The following RABGAP1L variants were observed in gnomAD, a reference collection of about 807,000 sequenced individuals.
RABGAP1L encodes RAB GTPase activating protein 1 like.
RABGAP1L carries 63 observed loss-of-function variants against 137.7 expected under a neutral mutation model. The ratio of observed to expected loss-of-function variants is 0.46; its 90% confidence interval spans 0.37 to 0.56. The LOEUF is 0.56. RABGAP1L is among the 20% of genes least tolerant of loss of function. The pLI, the probability that RABGAP1L is intolerant of heterozygous loss-of-function variation, is 0.00. For missense variants in RABGAP1L, 1,095 were observed against 1,244.0 expected (o/e 0.88, Z 1.80); for synonymous variants, 431 against 433.7 (o/e 0.99, Z 0.08).
At chr1:174,271,804 G>T (rs1041756883) in intron 7 of RABGAP1L, among the ~76,000 whole-genome samples, 4 of 151,896 alleles carry the variant, frequency 2.6e-5, no homozygotes, top group African/African-American at 9.7e-5. Flanking sequence ...ATATTAAATA[G>T]TTAACAGTAA....
intron 19 of RABGAP1L, among the ~76,000 whole-genome samples, chr1:174,829,094 C>G (rs1691855792): frequency 6.8e-6 from 1 of 147,744 alleles, no homozygotes; most frequent in Non-Finnish European, 1.5e-5. Flanking sequence ...ATTGTGAGGT[C>G]CTCAAGGCTG....
intron 19 of RABGAP1L, among the ~76,000 whole-genome samples, chr1:174,854,532 T>C (rs1648917096): frequency 6.6e-6 from 1 of 151,968 alleles, no homozygotes; most frequent in Non-Finnish European, 1.5e-5. Flanking sequence ...CAAATGCCCA[T>C]CTCACTGGAT....
chr1:174,356,983 T>C (rs940358554), intron 11 of RABGAP1L, among the ~76,000 whole-genome samples: 1 of 127,366 alleles, frequency 7.9e-6, no homozygotes, highest in Non-Finnish European at 1.9e-5. Flanking sequence ...AAGAAAGTGG[T>C]AGTCCTACTG....
chr1:174,467,592 G>A (rs1433816515), intron 13 of RABGAP1L, among the ~76,000 whole-genome samples: 1 of 152,104 alleles, frequency 6.6e-6, no homozygotes, highest in Non-Finnish European at 1.5e-5. Flanking sequence ...CAGAGCTACT[G>A]TATGACAAGT....
At chr1:174,855,242 G>A (rs2149000210) in intron 19 of RABGAP1L, among the ~76,000 whole-genome samples, 1 of 152,206 alleles carries the variant, frequency 6.6e-6, no homozygotes, top group South Asian at 2.1e-4. Flanking sequence ...CCTTGTTCTG[G>A]AGGGTCATAG....
At chr1:174,424,327 G>GT (rs749095376) in intron 13 of RABGAP1L, among the ~76,000 whole-genome samples, 2 of 152,044 alleles carry the variant, frequency 1.3e-5, no homozygotes, top group Non-Finnish European at 2.9e-5. Flanking sequence ...GCTAATAGCT[G>GT]TAAGTCTTGC....
At chr1:174,588,868 G>C (rs973795943) in intron 13 of RABGAP1L, among the ~76,000 whole-genome samples, 6 of 152,058 alleles carry the variant, frequency 3.9e-5, no homozygotes, top group Non-Finnish European at 8.8e-5. Context: ...CACTTAGGTT[G>C]CCTCCAAATC....
intron 19 of RABGAP1L, among the ~76,000 whole-genome samples, chr1:174,931,011 A>T (rs1558246385): frequency 6.6e-6 from 1 of 151,526 alleles, no homozygotes; most frequent in Non-Finnish European, 1.5e-5. Flanking sequence ...ATGTAGTGGG[A>T]TTTTTTTTTG....
At chr1:174,204,142 G>T (rs749913092) in intron 1 of RABGAP1L, among the ~76,000 whole-genome samples, 2 of 152,008 alleles carry the variant, frequency 1.3e-5, no homozygotes, top group African/African-American at 2.4e-5. Flanking sequence ...GTAGAGACAG[G>T]ATTTCACCAT....
chr1:174,823,806 G>A (rs968927996), intron 19 of RABGAP1L, among the ~76,000 whole-genome samples: 2 of 152,076 alleles, frequency 1.3e-5, no homozygotes, highest in East Asian at 1.9e-4. Context: ...GCAAAATATC[G>A]CATGTTCTCC....
chr1:174,344,399 G>A (rs1206485473), intron 11 of RABGAP1L, among the ~76,000 whole-genome samples: 5 of 152,094 alleles, frequency 3.3e-5, no homozygotes, highest in South Asian at 2.1e-4. Flanking sequence ...GAAGGTCTGC[G>A]GCTACACAAA....
At chr1:174,841,315 G>A (rs1693371205) in intron 19 of RABGAP1L, among the ~76,000 whole-genome samples, 2 of 151,990 alleles carry the variant, frequency 1.3e-5, no homozygotes, top group African/African-American at 4.8e-5. Flanking sequence ...TAGAACTTAG[G>A]AAAAAGAATA....
At chr1:174,440,326 T>C (rs1653975229) in intron 13 of RABGAP1L, among the ~76,000 whole-genome samples, 1 of 152,200 alleles carries the variant, frequency 6.6e-6, no homozygotes, top group Admixed American at 6.5e-5. Flanking sequence ...AAAAAAATAT[T>C]TTGTCTCTTT....
At chr1:174,859,953 CTTTTTTTTTT>C (rs746676430) in intron 19 of RABGAP1L, among the ~76,000 whole-genome samples, 3 of 95,150 alleles carry the variant, frequency 3.2e-5, no homozygotes, top group African/African-American at 4.5e-5. Flanking sequence ...TAGTCCAATG[CTTTTTTTTTT>C]TTTTTTTTTT....
intron 13 of RABGAP1L, among the ~76,000 whole-genome samples, chr1:174,480,709 T>C (rs1016929446): frequency 6.6e-6 from 1 of 152,234 alleles, no homozygotes; most frequent in African/African-American, 2.4e-5. Context: ...GAAGGATATC[T>C]ATCACACAAA....
At chr1:174,663,130 T>G (rs1166624119) in intron 14 of RABGAP1L, among the ~76,000 whole-genome samples, 1 of 152,236 alleles carries the variant, frequency 6.6e-6, no homozygotes, top group Non-Finnish European at 1.5e-5. Context: ...TGTACAGTAA[T>G]GTTCCAGACC....
intron 14 of RABGAP1L, among the ~76,000 whole-genome samples, chr1:174,640,809 A>T (rs181695879): frequency 4.2e-4 from 64 of 151,966 alleles, no homozygotes; most frequent in African/African-American, 1.4e-3. Flanking sequence ...AAGCTATCAT[A>T]GCAAACATCC....
intron 17 of RABGAP1L, among the ~76,000 whole-genome samples, chr1:174,718,224 A>T (rs936763530): frequency 1.3e-5 from 2 of 152,098 alleles, no homozygotes; most frequent in South Asian, 4.2e-4. Context: ...ATCTCACCTA[A>T]TTTCACCTGG....
At position 174,173,763 on chromosome 1, in the gene RABGAP1L, G is replaced by T. The variant is rs1240550338; in HGVS notation, c.-34+14106G>T. 2.0e-5 allele frequency among the ~76,000 whole-genome samples: 3 copies of T among 152,000 alleles called. No individual in the cohort carries two copies. The East Asian group carries it at 5.8e-4, about 29-fold the overall frequency. ...GTCTTATTGGGGAAACAGATGAATA[G>T]AGAGTGGCAAGGAAGGGGCACCACA... On this transcript the variant is annotated intron_variant, in intron 1 of 25. Coordinates refer to ENST00000681986, the MANE Select transcript of RABGAP1L (RefSeq NM_001366446.1).
Sources: allele counts gnomAD v4.1 joint callset (sites outside exome capture counted in the v4.1 genomes callset), GRCh38; gene constraint gnomAD v4.1.1; transcripts MANE v1.5; gene names NCBI Gene and HGNC (gene_info 2026-07-23, HGNC 2026-07-21).